GRM1: variants seen among roughly 807,000 people sequenced by gnomAD.
The protein encoded by GRM1 is glutamate metabotropic receptor 1, also known as metabotropic glutamate receptor 1.
A neutral mutation model predicts 90.9 loss-of-function variants in GRM1; 33 were observed. The ratio of observed to expected loss-of-function variants is 0.36; its 90% CI spans 0.28 to 0.49. The LOEUF (loss-of-function observed/expected upper bound fraction) is 0.49, where lower values mean the gene tolerates loss of function less well. GRM1 is among the 20% of genes least tolerant of loss of function. GRM1 has a pLI of 0.99. For missense variants in GRM1, 1,190 were observed against 1,534.3 expected (o/e 0.78, Z 3.75); for synonymous variants, 700 against 613.2 (o/e 1.14, Z -2.09).
intron 6 of GRM1, among the ~76,000 whole-genome samples, chr6:146,396,866 C>T (rs561016937): frequency 1.1e-4 from 16 of 152,232 alleles, no homozygotes; most frequent in African/African-American, 3.6e-4. Flanking sequence ...TATAAAGATA[C>T]AGGTGAAATA....
intron 5 of GRM1, among the ~76,000 whole-genome samples, chr6:146,361,465 T>C (rs1275444911): frequency 6.6e-6 from 1 of 152,136 alleles, no homozygotes; most frequent in East Asian, 1.9e-4. Context: ...ACTGCTGTTT[T>C]CCTTGCTGTA....
At chr6:146,135,629 CCAA>C (rs1311973631) in intron 1 of GRM1, among the ~76,000 whole-genome samples, 1 of 152,084 alleles carries the variant, frequency 6.6e-6, no homozygotes, top group Non-Finnish European at 1.5e-5. Context: ...GGTTAGGTTT[CCAA>C]GGGCTTTTAT....
intron 1 of GRM1, among the ~76,000 whole-genome samples, chr6:146,111,666 G>A (rs1244020128): frequency 6.6e-6 from 1 of 152,160 alleles, no homozygotes; most frequent in Non-Finnish European, 1.5e-5. Flanking sequence ...AGATAGCCTG[G>A]TTTATTAGAG....
chr6:146,295,390 AT>A (rs11309395), intron 2 of GRM1, among the ~76,000 whole-genome samples: 30,625 of 146,152 alleles, frequency 0.21, 6,244 homozygotes, highest in African/African-American at 0.53. Context: ...TGCCCGGCTA[AT>A]TTTTTTTTTT....
chr6:146,360,123 G>A (rs1775409105), intron 5 of GRM1, among the ~76,000 whole-genome samples: 15 of 152,182 alleles, frequency 9.9e-5, no homozygotes, highest in Admixed American at 9.8e-4. Flanking sequence ...CAGCTTGCAA[G>A]GTGATTGTAG....
At chr6:146,074,209 C>T (rs1776108469) in intron 1 of GRM1, among the ~76,000 whole-genome samples, 1 of 152,088 alleles carries the variant, frequency 6.6e-6, no homozygotes, top group Admixed American at 6.6e-5. Context: ...CATTTCTTCT[C>T]CTCCTCCCTA....
In GRM1 at chr6:146,434,602, C is replaced by A. The variant is rs768113111; in HGVS notation, c.3391C>A (p.Leu1131Met). 1 of 1,613,552 alleles carries A rather than the reference C, an allele frequency of 6.2e-7. No homozygotes were observed. Among genetic ancestry groups the A allele is most frequent in the Non-Finnish European group, 8.5e-7 (1 of 1,180,020 alleles). ...CGAACTGGAAGAGGAGGAGGAGGAC[C>A]TGCAGGCGGCCAGCAAACTGACCCC... is the stretch of plus-strand genomic sequence containing the variant. ...EDELEEEEED[L>M]QAASKLTPDD... The change falls in exon 8 of 8, where the codon CTG becomes ATG. Residue 1131 changes from leucine to methionine, a missense_variant. By Grantham distance (15) the Leu-to-Met change is conservative (BLOSUM62 2). This residue lies in a region of GRM1 where 400 missense variants were observed against 360.8 expected (regional missense o/e 1.11). Transcript: ENST00000282753.
intron 2 of GRM1, among the ~76,000 whole-genome samples, chr6:146,289,498 C>T (rs1185125717): frequency 2.0e-5 from 3 of 152,132 alleles, no homozygotes; most frequent in African/African-American, 7.2e-5. Context: ...TCAAAAGTTA[C>T]AGTAAACTAA....
At chr6:146,312,818 G>A (rs914283695) in intron 3 of GRM1, among the ~76,000 whole-genome samples, 1 of 152,172 alleles carries the variant, frequency 6.6e-6, no homozygotes, top group African/African-American at 2.4e-5. Context: ...TCACTCTTTG[G>A]TATGAGCCAA....
chr6:146,400,645 A>G (rs1777125266), intron 7 of GRM1, among the ~76,000 whole-genome samples: 3 of 152,296 alleles, frequency 2.0e-5, no homozygotes, highest in Admixed American at 2.0e-4. Flanking sequence ...AACAAATTTC[A>G]TGTAACGTTT....
intron 1 of GRM1, among the ~76,000 whole-genome samples, chr6:146,079,851 A>T (rs1776305550): frequency 6.6e-6 from 1 of 152,252 alleles, no homozygotes; most frequent in South Asian, 2.1e-4. Context: ...TTGCCCGTGC[A>T]GGCAAATCCA....
intron 3 of GRM1, among the ~76,000 whole-genome samples, chr6:146,323,424 T>G (rs1045342064): frequency 6.6e-6 from 1 of 152,168 alleles, no homozygotes; most frequent in South Asian, 2.1e-4. Context: ...TTCGCCCACT[T>G]TTTGATGGGG....
chr6:146,362,761 G>A (rs1037843194), intron 5 of GRM1, among the ~76,000 whole-genome samples: 2 of 151,708 alleles, frequency 1.3e-5, no homozygotes, highest in Non-Finnish European at 2.9e-5. Flanking sequence ...TAGAAATGTG[G>A]CCCTAAGAAA....
chr6:146,344,436 G>A (rs917538137), intron 3 of GRM1, among the ~76,000 whole-genome samples: 1 of 152,168 alleles, frequency 6.6e-6, no homozygotes, highest in African/African-American at 2.4e-5. Flanking sequence ...GAGCAGAGTG[G>A]CTGATGTATC....
intron 2 of GRM1, among the ~76,000 whole-genome samples, chr6:146,168,457 T>G (rs898871298): frequency 1.3e-5 from 2 of 152,014 alleles, no homozygotes; most frequent in Non-Finnish European, 2.9e-5. Flanking sequence ...TACATTGTTA[T>G]TTTTGCTTAA....
chr6:146,346,315 TG>T (rs1396186372), intron 3 of GRM1, among the ~76,000 whole-genome samples: 3 of 151,840 alleles, frequency 2.0e-5, no homozygotes, highest in Non-Finnish European at 4.4e-5. Flanking sequence ...AAAGCCCAGG[TG>T]GGGTTAAGCA....
At chr6:146,156,662 C>T (rs1424644991) in intron 1 of GRM1, among the ~76,000 whole-genome samples, 1 of 152,236 alleles carries the variant, frequency 6.6e-6, no homozygotes, top group Non-Finnish European at 1.5e-5. Context: ...TCTTTGCCTT[C>T]TCTTCCTCAA....
intron 1 of GRM1, among the ~76,000 whole-genome samples, chr6:146,142,859 C>T (rs1169877881): frequency 6.6e-6 from 1 of 152,142 alleles, no homozygotes; most frequent in African/African-American, 2.4e-5. Context: ...GAATCGGTAA[C>T]CCCACGAGCC....
At chr6:146,233,067 C>T (rs1342468553) in intron 2 of GRM1, among the ~76,000 whole-genome samples, 1 of 151,952 alleles carries the variant, frequency 6.6e-6, no homozygotes, top group Non-Finnish European at 1.5e-5. Context: ...CAAGAAACAG[C>T]TCATAGTTTA....
Sources: allele counts gnomAD v4.1 joint callset (sites outside exome capture counted in the v4.1 genomes callset), GRCh38; gene constraint gnomAD v4.1.1; regional missense constraint gnomAD v4.1.1; transcripts MANE v1.5; gene names NCBI Gene and HGNC (gene_info 2026-07-23, HGNC 2026-07-21).